Variants in PRKX observed in about 807,000 individuals in gnomAD.
PRKX encodes the protein protein kinase cAMP-dependent X-linked catalytic subunit.
Under a neutral mutation model 22.0 loss-of-function variants are expected in PRKX, and 12 were observed. The observed-to-expected ratio is 0.54, with a 90% CI of 0.35 to 0.88. The LOEUF (loss-of-function observed/expected upper bound fraction) is 0.88. PRKX is among the 40% of genes least tolerant of loss of function. The pLI is 0.01. For synonymous variants in PRKX, 134 were observed against 137.7 expected, an observed-to-expected ratio of 0.97 and a Z score of 0.19; for missense variants, 217 against 308.0, an observed-to-expected ratio of 0.70 and a Z score of 2.21.
chrX:3,663,455 CACACACACACACAAAA>C (rs1476394380), intron 2 of PRKX, among the ~76,000 whole-genome samples: 14 of 79,492 alleles, frequency 1.8e-4, no homozygotes, highest in South Asian at 7.0e-4. Flanking sequence ...CACACACACA[CACACACACACACAAAA>C]AAATTCAATT....
chrX:3,640,344 A>C (rs1254555310), intron 4 of PRKX, among the ~76,000 whole-genome samples: 1 of 111,248 alleles, frequency 9.0e-6, no homozygotes, highest in East Asian at 2.9e-4. Flanking sequence ...ATGGTGCAAC[A>C]GTTCCTCTGA....
At chrX:3,686,200 G>A (rs1388515312) in intron 1 of PRKX, among the ~76,000 whole-genome samples, 2 of 111,476 alleles carry the variant, frequency 1.8e-5, no homozygotes, top group South Asian at 3.8e-4. Flanking sequence ...CCAGTAAGTG[G>A]GGGCTGAGAG....
intron 2 of PRKX, among the ~76,000 whole-genome samples, chrX:3,662,256 G>C (rs1262146714): frequency 9.0e-6 from 1 of 110,853 alleles, no homozygotes; most frequent in Non-Finnish European, 1.9e-5. Context: ...AGGAAGATTG[G>C]GGAGAGACAC....
At chrX:3,710,172 C>A (rs1928760381) in intron 1 of PRKX, among the ~76,000 whole-genome samples, 1 of 111,552 alleles carries the variant, frequency 9.0e-6, no homozygotes, top group Non-Finnish European at 1.9e-5. Context: ...ATTTGAAGAA[C>A]CAGATTGAAA....
At chrX:3,707,897 A>C (rs1260736898) in intron 1 of PRKX, among the ~76,000 whole-genome samples, 1 of 111,667 alleles carries the variant, frequency 9.0e-6, no homozygotes, top group Non-Finnish European at 1.9e-5. Context: ...GCTACAAACA[A>C]CACTCCTAAT....
At chrX:3,619,447 T>C (rs1442624902) in intron 6 of PRKX, among the ~76,000 whole-genome samples, 2 of 111,978 alleles carry the variant, frequency 1.8e-5, no homozygotes, top group African/African-American at 6.5e-5. Context: ...TACATGCAAA[T>C]AGGGTCTTTG....
chrX:3,693,196 G>A lies in PRKX; in HGVS notation c.167-18430C>T, dbSNP rs1369899493. On this transcript the variant is annotated intron_variant, in intron 1 of 8. Coordinates refer to ENST00000262848, the MANE Select transcript of PRKX (RefSeq NM_005044.5). ...TCTAACAACTTGGGTGACCTCACAT[G>A]AGTTTGTTCAGACTTGAGGACTTCA... 5.4e-5 allele frequency among the ~76,000 whole-genome samples: 6 copies of A among 111,647 alleles called. No homozygotes were observed. The South Asian group carries it at 1.5e-3, about 29-fold the overall frequency.
intron 7 of PRKX, among the ~76,000 whole-genome samples, chrX:3,615,452 G>A (rs1038459065): frequency 1.8e-5 from 2 of 111,647 alleles, no homozygotes; most frequent in South Asian, 3.7e-4. Flanking sequence ...CCTGTTGACC[G>A]CTTTCCACTA....
Position 3,671,045 on chromosome X carries a change from A to AT in PRKX, c.335+3552dup, listed in dbSNP as rs775863676. On this transcript the variant is annotated intron_variant, in intron 2 of 8. Transcript: ENST00000262848. ...ATTTATTTATTTATTTTTATTTATT[A>AT]TTATTTTTTGAGACAAAGTCTTGCT... 1.2e-4 allele frequency among the ~76,000 whole-genome samples: 13 copies of AT among 109,313 alleles called. No individual in the cohort carries two copies. In the South Asian group the frequency reaches 2.4e-3, roughly 20 times the overall value. The allele number at this position is 109,313 out of a possible 115,157, so 94.9% of individuals were successfully genotyped here. A position where few individuals can be genotyped will look rare whatever the true frequency, so the allele number is the denominator to read the frequency against.
intron 1 of PRKX, among the ~76,000 whole-genome samples, chrX:3,679,121 T>C (rs754719165): frequency 9.0e-6 from 1 of 111,607 alleles, no homozygotes; most frequent in Non-Finnish European, 1.9e-5. Flanking sequence ...CATGGGTATA[T>C]TGCATGATGC....
chrX:3,691,088 C>T (rs1237683023), intron 1 of PRKX, among the ~76,000 whole-genome samples: 6 of 111,845 alleles, frequency 5.4e-5, no homozygotes, highest in South Asian at 7.5e-4. Context: ...CCAGCTCAGT[C>T]GGACTAGGGT....
intron 1 of PRKX, among the ~76,000 whole-genome samples, chrX:3,704,828 A>C (rs1186594417): frequency 8.9e-6 from 1 of 111,942 alleles, no homozygotes; most frequent in Non-Finnish European, 1.9e-5. Context: ...TTCTTCACCC[A>C]GTCATCTGCT....
intron 3 of PRKX, among the ~76,000 whole-genome samples, chrX:3,654,887 C>T (rs1218211452): frequency 9.0e-6 from 1 of 110,935 alleles, no homozygotes; most frequent in Non-Finnish European, 1.9e-5. Context: ...GGATCAATAG[C>T]GGATATGTGG....
chrX:3,677,110 G>A (rs866628195), intron 1 of PRKX, among the ~76,000 whole-genome samples: 5 of 111,181 alleles, frequency 4.5e-5, no homozygotes, highest in African/African-American at 9.8e-5. Context: ...TTATCAGAGG[G>A]TAGGGCTTGA....
intron 8 of PRKX, among the ~76,000 whole-genome samples, chrX:3,610,638 A>G (rs1270314572): frequency 1.8e-5 from 2 of 110,971 alleles, no homozygotes; most frequent in African/African-American, 6.5e-5. Flanking sequence ...AATCTTTTTC[A>G]GGGAAAGTAG....
chrX:3,654,733 C>T (rs924374852), intron 3 of PRKX, among the ~76,000 whole-genome samples: 5 of 109,754 alleles, frequency 4.6e-5, no homozygotes, highest in Admixed American at 9.9e-5. Context: ...TCTCCCACCT[C>T]GGCGTCCCAA....
At chrX:3,696,642 G>A (rs999721401) in intron 1 of PRKX, among the ~76,000 whole-genome samples, 3 of 111,883 alleles carry the variant, frequency 2.7e-5, no homozygotes, top group South Asian at 3.7e-4. Context: ...ATCTTCAATC[G>A]AACTATCCTA....
rs1008711306 is a variant in PRKX, at chrX:3,605,254, G to A, written c.*3715C>T. 1 of 111,887 alleles carries A rather than the reference G, an allele frequency of 8.9e-6. No individual in the cohort carries two copies. The highest frequency in any genetic ancestry group is 3.3e-5 in the African/African-American group (1 of 30,720). The allele number at this position is 111,887 out of a possible 1,213,427, so 9.2% of individuals were successfully genotyped here. A position where few individuals can be genotyped will look rare whatever the true frequency, so the allele number is the denominator to read the frequency against. ...ATGCTAGGTAGATTGAAGGAAAAACGAGAGGAACCCGGGCACCCCATTTCA... is the reference window on the plus strand; with the variant it reads ...ATGCTAGGTAGATTGAAGGAAAAACAAGAGGAACCCGGGCACCCCATTTCA... On this transcript the variant is annotated 3_prime_UTR_variant, in exon 9 of 9. Transcript: ENST00000262848.
In PRKX at chrX:3,705,957, G is replaced by A. The variant is rs1928674551; in HGVS notation, c.166+7131C>T. Among the ~76,000 whole-genome samples the A allele has an allele frequency of 2.8e-5, 3 of 105,668 alleles. No individual in the cohort carries two copies. In the South Asian group the frequency reaches 1.3e-3, roughly 46 times the overall value. The allele number at this position is 105,668 out of a possible 115,157, so 91.8% of individuals were successfully genotyped here. On this transcript the variant is annotated intron_variant, in intron 1 of 8. Coordinates refer to ENST00000262848, the MANE Select transcript of PRKX (RefSeq NM_005044.5). ...CCCGCCTGCCTCAGCCTCCCAAAGT[G>A]CTGGGATTACAGGCATGAGCCACCG...
Sources: gnomAD v4.1 joint callset for allele counts (sites outside exome capture counted in the v4.1 genomes callset) on GRCh38, gnomAD v4.1.1 for gene constraint, MANE v1.5 for transcripts, NCBI Gene and HGNC (gene_info 2026-07-23, HGNC 2026-07-21) for gene names.